UGGT1: variants seen among roughly 807,000 people sequenced by gnomAD.
UGGT1 encodes UDP-glucose glycoprotein glucosyltransferase 1.
A neutral mutation model predicts 203.9 loss-of-function variants in UGGT1; 107 were observed. That is an observed-to-expected ratio of 0.52 (90% CI 0.45 to 0.62). UGGT1 has a LOEUF of 0.62. Ranked by LOEUF, UGGT1 falls within the 20% of genes least tolerant of loss-of-function variation. The pLI, the probability that UGGT1 is intolerant of heterozygous loss-of-function variation, is 0.00. For missense variants in UGGT1, 1,673 were observed against 1,867.2 expected (o/e 0.90, Z 1.92); for synonymous variants, 628 against 653.5 (o/e 0.96, Z 0.59).
In UGGT1 at chr2:128,177,927, T is replaced by G; in HGVS notation, c.3713+7T>G. The G allele has an allele frequency of 6.3e-7, 1 of 1,593,496 alleles. No individual in the cohort carries two copies. Among genetic ancestry groups the G allele is most frequent in the Non-Finnish European group, 8.5e-7 (1 of 1,170,710 alleles). On this transcript the variant is annotated splice_region_variant and intron_variant, in intron 33 of 40. Transcript: ENST00000259253. Reference sequence around the variant, plus strand: ...TTTGGGATTCCTTCAAATGGTAAGTTGACATTGTAAGAGTTATGTTTTTAA... The same window carrying G: ...TTTGGGATTCCTTCAAATGGTAAGTGGACATTGTAAGAGTTATGTTTTTAA...
intron 27 of UGGT1, 61 bp downstream of exon 27, chr2:128,170,451 A>G: frequency 6.9e-7 from 1 of 1,449,236 alleles, no homozygotes; most frequent in East Asian, 2.3e-5. Flanking sequence ...ATGCTCTGAA[A>G]TTCACTGAGA....
At chr2:128,154,839 TAG>T (rs1368362878) in intron 19 of UGGT1, among the ~76,000 whole-genome samples, 1 of 152,150 alleles carries the variant, frequency 6.6e-6, no homozygotes, top group Non-Finnish European at 1.5e-5. Flanking sequence ...GGGAGATTGT[TAG>T]AGACAGAGAG....
intron 3 of UGGT1, 81 bp from the exon 4 acceptor site, chr2:128,107,857 C>T: frequency 6.3e-7 from 1 of 1,577,974 alleles, no homozygotes; most frequent in Non-Finnish European, 8.6e-7. Flanking sequence ...TTTGTAAACA[C>T]AGCTTTGTGC....
At position 128,125,688 on chromosome 2, in the gene UGGT1, A is replaced by C. The variant is rs148700138; in HGVS notation, c.1135-1673A>C. 1.6e-4 allele frequency among the ~76,000 whole-genome samples: 24 copies of C among 152,296 alleles called. No individual in the cohort carries two copies. In the East Asian group the frequency reaches 4.4e-3, roughly 28 times the overall value. ...CACTATCTTTACCCCAAATTTCCTT[A>C]ATCTTTATATCTGAGATATTAGTGA... is the stretch of plus-strand genomic sequence containing the variant. On this transcript the variant is annotated intron_variant, in intron 11 of 40. Coordinates refer to ENST00000259253, the MANE Select transcript of UGGT1 (RefSeq NM_020120.4).
chr2:128,105,272 T>G (rs1253242043), intron 3 of UGGT1, among the ~76,000 whole-genome samples: 1 of 151,200 alleles, frequency 6.6e-6, no homozygotes, highest in Non-Finnish European at 1.5e-5. Flanking sequence ...TTTATTTTAT[T>G]TCACTTTTTT....
rs1289149695 is a variant in UGGT1, at chr2:128,097,558, A to G, written c.188A>G (p.Glu63Gly). ...TKWFSTPLLLEASEFLAEDSQ... is the reference protein window; with the variant it reads ...TKWFSTPLLLGASEFLAEDSQ... ...TGGTTTTCCACTCCATTGTTGTTAG[A>G]AGCCAGGTAAGAGAACATTTTTTTT... Residue 63 changes from glutamate (E) to glycine (G), a missense_variant, in exon 2 of 41, where the codon GAA becomes GGA. Glu to Gly is a moderately conservative substitution (Grantham distance 98). This residue lies in a region of UGGT1 where 83 missense variants were observed against 87.2 expected (regional missense o/e 0.95). Transcript: ENST00000259253. 1.2e-6 allele frequency: 2 copies of G among 1,613,906 alleles called. No individual in the cohort carries two copies. Among genetic ancestry groups the G allele is most frequent in the East Asian group, 2.2e-5 (1 of 44,872 alleles).
At chr2:128,156,006 G>GGTATTTAT (rs1690208789) in intron 20 of UGGT1, among the ~76,000 whole-genome samples, 1 of 152,176 alleles carries the variant, frequency 6.6e-6, no homozygotes, top group Non-Finnish European at 1.5e-5. Context: ...TTTATGCAGA[G>GGTATTTAT]GTATTTATTT....
At chr2:128,124,101 A>G (rs1688503485) in intron 11 of UGGT1, among the ~76,000 whole-genome samples, 1 of 150,990 alleles carries the variant, frequency 6.6e-6, no homozygotes, top group African/African-American at 2.4e-5. Flanking sequence ...GCCTGCTACC[A>G]CTCCCGGCTA....
chr2:128,131,012 C>G (rs1688850077), intron 13 of UGGT1, among the ~76,000 whole-genome samples: 1 of 151,672 alleles, frequency 6.6e-6, no homozygotes, highest in East Asian at 1.9e-4. Context: ...GTGGGTGGAT[C>G]ATTTGAGGTG....
intron 15 of UGGT1, among the ~76,000 whole-genome samples, chr2:128,138,260 C>T (rs887721839): frequency 1.3e-5 from 2 of 152,146 alleles, no homozygotes; most frequent in Admixed American, 6.5e-5. Context: ...TGGCTCATGC[C>T]TGTAATCCCA....
At chr2:128,173,528 G>A (rs1034802397) in intron 29 of UGGT1, among the ~76,000 whole-genome samples, 6 of 151,882 alleles carry the variant, frequency 4.0e-5, no homozygotes, top group Non-Finnish European at 7.4e-5. Context: ...CTATAGCCAC[G>A]ATGCAGAACA....
chr2:128,178,439 T>A, intron 33 of UGGT1, 29 bp from the exon 34 acceptor site: 1 of 1,570,296 alleles, frequency 6.4e-7, no homozygotes, highest in African/African-American at 1.4e-5. Context: ...GTGTTTCAAG[T>A]GGTCTTTTTT....
chr2:128,150,669 T>TG (rs1371905102), intron 18 of UGGT1, among the ~76,000 whole-genome samples: 16 of 3,252 alleles, frequency 4.9e-3, no homozygotes, highest in African/African-American at 5.8e-3. Context: ...AATTAATAAC[T>TG]TTTTTTTTTT....
At chr2:128,162,668 C>T (rs1482646979) in intron 25 of UGGT1, among the ~76,000 whole-genome samples, 2 of 152,126 alleles carry the variant, frequency 1.3e-5, no homozygotes, top group Admixed American at 6.5e-5. Context: ...CTTGTCCCGA[C>T]CTGTGAAATG....
At chr2:128,145,664 A>C (rs1295145933) in intron 17 of UGGT1, 139 bp from the exon 18 acceptor site, 13 of 823,294 alleles carry the variant, frequency 1.6e-5, no homozygotes, top group Non-Finnish European at 2.1e-5. Flanking sequence ...TTTTTTAAAA[A>C]GAAATATCTT....
At chr2:128,182,000 C>G (rs1403223677) in intron 36 of UGGT1, 130 bp from the exon 37 acceptor site, 6 of 785,484 alleles carry the variant, frequency 7.6e-6, no homozygotes, top group Admixed American at 5.1e-5. Context: ...TGCATCTGCC[C>G]CTAGTGCCTG....
intron 1 of UGGT1, among the ~76,000 whole-genome samples, chr2:128,093,165 A>G (rs2105322812): frequency 6.6e-6 from 1 of 152,190 alleles, no homozygotes; most frequent in African/African-American, 2.4e-5. Flanking sequence ...TTCATCTCAA[A>G]TGGTGCTGCA....
chr2:128,106,738 TG>T (rs1028301548), intron 3 of UGGT1, among the ~76,000 whole-genome samples: 2 of 152,094 alleles, frequency 1.3e-5, no homozygotes, highest in Non-Finnish European at 1.5e-5. Flanking sequence ...TTAATAGAGA[TG>T]GGGTTTCACC....
intron 12 of UGGT1, 116 bp from the exon 13 acceptor site, chr2:128,128,913 T>G (rs908051677): frequency 9.7e-7 from 1 of 1,034,812 alleles, no homozygotes; most frequent in African/African-American, 1.6e-5. Flanking sequence ...TTTTTTAAAT[T>G]TCTCAATTAA....
Sources: gnomAD v4.1 joint callset for allele counts (sites outside exome capture counted in the v4.1 genomes callset) on GRCh38, gnomAD v4.1.1 for gene constraint, gnomAD v4.1.1 regional missense constraint, MANE v1.5 for transcripts, NCBI Gene and HGNC (gene_info 2026-07-23, HGNC 2026-07-21) for gene names.